The following PTPRM variants were observed in gnomAD, a reference collection of about 807,000 sequenced individuals.
PTPRM encodes receptor-type tyrosine-protein phosphatase mu.
In PTPRM, 47 loss-of-function variants were observed where a neutral mutation model predicts 186.7. The observed-to-expected ratio is 0.25, with a 90% confidence interval of 0.20 to 0.32. The LOEUF is 0.32. PTPRM is among the 10% of genes least tolerant of loss of function. The pLI is 1.00. For synonymous variants in PTPRM, 668 were observed against 674.9 expected (o/e 0.99, Z 0.16); for missense variants, 1,494 against 1,865.0 (o/e 0.80, Z 3.66).
chr18:8,029,046 C>T (rs2148036565), intron 7 of PTPRM, among the ~76,000 whole-genome samples: 1 of 152,348 alleles, frequency 6.6e-6, no homozygotes, highest in East Asian at 1.9e-4. Context: ...TATGCAATGG[C>T]TTACTGCCTG....
chr18:7,805,737 T>G (rs1297924728), intron 2 of PTPRM, among the ~76,000 whole-genome samples: 1 of 152,208 alleles, frequency 6.6e-6, no homozygotes, highest in Non-Finnish European at 1.5e-5. Context: ...CTAATCTTTA[T>G]AAAAGGTAAA....
At chr18:7,724,086 T>A (rs185914311) in intron 1 of PTPRM, among the ~76,000 whole-genome samples, 6 of 152,178 alleles carry the variant, frequency 3.9e-5, no homozygotes, top group East Asian at 3.9e-4. Context: ...TTTTTTTTTT[T>A]AATGTGAGGT....
chr18:7,569,226 C>T (rs982764737), intron 1 of PTPRM, among the ~76,000 whole-genome samples: 1 of 152,178 alleles, frequency 6.6e-6, no homozygotes, highest in East Asian at 1.9e-4. Flanking sequence ...GCTCTGGACT[C>T]ACAGGCACAT....
intron 22 of PTPRM, among the ~76,000 whole-genome samples, chr18:8,331,142 A>T (rs644936): frequency 0.59 from 90,094 of 152,006 alleles, 27,006 homozygotes; most frequent in Admixed American, 0.66. Flanking sequence ...CTGCAACCTG[A>T]AATAGTTTAC....
chr18:8,218,201 G>A (rs2094112439), intron 14 of PTPRM, among the ~76,000 whole-genome samples: 1 of 152,146 alleles, frequency 6.6e-6, no homozygotes, highest in Non-Finnish European at 1.5e-5. Context: ...AAATTACAAT[G>A]TTTGTCAAAT....
intron 2 of PTPRM, among the ~76,000 whole-genome samples, chr18:7,807,826 T>G (rs1184088696): frequency 6.6e-6 from 1 of 152,220 alleles, no homozygotes; most frequent in Non-Finnish European, 1.5e-5. Flanking sequence ...ATTTTTGACT[T>G]CATAATAATT....
At chr18:7,808,563 C>T (rs2044351398) in intron 2 of PTPRM, among the ~76,000 whole-genome samples, 1 of 152,156 alleles carries the variant, frequency 6.6e-6, no homozygotes, top group Non-Finnish European at 1.5e-5. Flanking sequence ...TTTAATTCTT[C>T]ACTGGATTCA....
intron 8 of PTPRM, 123 bp downstream of exon 8, chr18:8,070,117 T>G: frequency 1.2e-6 from 1 of 854,000 alleles, no homozygotes. Flanking sequence ...AACACAAATG[T>G]GTATCTGTAC....
chr18:8,077,454 C>T lies in PTPRM; in HGVS notation c.1551+890C>T, dbSNP rs182470701. Among the ~76,000 whole-genome samples, 264 of 152,056 alleles carry T rather than the reference C, an allele frequency of 1.7e-3. 1 individual carries two copies. The highest frequency in any genetic ancestry group is 5.9e-3 in the African/African-American group (245 of 41,480). On this transcript the variant is annotated intron_variant, in intron 9 of 32. Coordinates refer to ENST00000580170, the MANE Select transcript of PTPRM (RefSeq NM_001105244.2). ...TAATTTTTGAAAATTGGTATTGAAACACACACAAAAATTAATTCAAAGCTA... is the reference window on the plus strand; with the variant it reads ...TAATTTTTGAAAATTGGTATTGAAATACACACAAAAATTAATTCAAAGCTA...
chr18:8,142,018 C>T (rs1368469262), intron 13 of PTPRM, among the ~76,000 whole-genome samples: 2 of 152,104 alleles, frequency 1.3e-5, no homozygotes, highest in African/African-American at 2.4e-5. Flanking sequence ...CAGTCAGCCA[C>T]CTGGTGATAT....
At chr18:7,694,617 G>C (rs1476327494) in intron 1 of PTPRM, among the ~76,000 whole-genome samples, 1 of 151,992 alleles carries the variant, frequency 6.6e-6, no homozygotes, top group Non-Finnish European at 1.5e-5. Flanking sequence ...AGTAGAGACA[G>C]AGTTTCACCA....
chr18:8,277,514 AT>A (rs2094850221), intron 19 of PTPRM, among the ~76,000 whole-genome samples: 1 of 152,256 alleles, frequency 6.6e-6, no homozygotes, highest in South Asian at 2.1e-4. Flanking sequence ...CTGTTTTGCA[AT>A]AAGTGAAATA....
At chr18:8,029,090 T>C (rs1296341825) in intron 7 of PTPRM, among the ~76,000 whole-genome samples, 1 of 152,236 alleles carries the variant, frequency 6.6e-6, no homozygotes, top group East Asian at 1.9e-4. Flanking sequence ...TAACTTCCTG[T>C]CTGGTTCATT....
intron 13 of PTPRM, among the ~76,000 whole-genome samples, chr18:8,119,447 C>G (rs2092088581): frequency 6.6e-6 from 1 of 152,118 alleles, no homozygotes; most frequent in Non-Finnish European, 1.5e-5. Context: ...CTCATATTCT[C>G]TACATGAGAA....
intron 1 of PTPRM, among the ~76,000 whole-genome samples, chr18:7,695,452 A>G (rs1443668670): frequency 6.6e-6 from 1 of 152,112 alleles, no homozygotes; most frequent in Non-Finnish European, 1.5e-5. Context: ...TTTGCTGGGG[A>G]TGTTGGGTTC....
At chr18:8,370,552 A>T (rs1024661954) in intron 23 of PTPRM, among the ~76,000 whole-genome samples, 2 of 152,206 alleles carry the variant, frequency 1.3e-5, no homozygotes, top group Non-Finnish European at 2.9e-5. Flanking sequence ...GAGCTAAAAT[A>T]TTGCAAACTT....
At chr18:8,085,400 A>G (rs1439052373) in intron 9 of PTPRM, among the ~76,000 whole-genome samples, 4 of 152,148 alleles carry the variant, frequency 2.6e-5, no homozygotes, top group African/African-American at 4.8e-5. Context: ...TGACATTTTG[A>G]AAGCAAACAA....
intron 2 of PTPRM, among the ~76,000 whole-genome samples, chr18:7,808,334 G>A (rs1172761413): frequency 6.6e-6 from 1 of 152,144 alleles, no homozygotes; most frequent in East Asian, 1.9e-4. Flanking sequence ...GCTGGTCTAG[G>A]AGGCCCCCCT....
intron 7 of PTPRM, among the ~76,000 whole-genome samples, chr18:7,984,607 A>ATATATATATG (rs1731941454): frequency 1.5e-5 from 2 of 130,100 alleles, no homozygotes; most frequent in African/African-American, 3.1e-5. Flanking sequence ...ATATATACAC[A>ATATATATATG]CACACACACA....
Sources: allele counts gnomAD v4.1 joint callset (sites outside exome capture counted in the v4.1 genomes callset), GRCh38; gene constraint gnomAD v4.1.1; transcripts MANE v1.5; gene names NCBI Gene and HGNC (gene_info 2026-07-23, HGNC 2026-07-21).